SKIL: variants seen among roughly 807,000 people sequenced by gnomAD.
The protein encoded by SKIL is SKI like proto-oncogene.
In SKIL, 20 loss-of-function variants were observed where a neutral mutation model predicts 69.6. The observed-to-expected ratio is 0.29, with a 90% CI of 0.20 to 0.42. The LOEUF (loss-of-function observed/expected upper bound fraction) is 0.42, where lower values mean the gene tolerates loss of function less well. Ranked by LOEUF, SKIL falls within the 10% of genes least tolerant of loss-of-function variation. The pLI is 1.00. For synonymous variants in SKIL, 310 were observed against 279.9 expected, an observed-to-expected ratio of 1.11 and a Z score of -1.08; for missense variants, 745 against 783.1, an observed-to-expected ratio of 0.95 and a Z score of 0.58.
At position 170,359,852 on chromosome 3, in the gene SKIL, G is replaced by C. The variant is rs1736132921; in HGVS notation, c.-480G>C. 6.5e-6 allele frequency: 1 copy of C among 153,590 alleles called. No homozygotes were observed. Among genetic ancestry groups the C allele is most frequent in the African/African-American group, 2.4e-5 (1 of 41,424 alleles). 9.5% of individuals were successfully genotyped at this position (153,590 alleles called of 1,614,324 possible). On this transcript the variant is annotated 5_prime_UTR_variant, in exon 2 of 7. Transcript: ENST00000259119. ...CATTTTTAGAGGAAATACTCCCTCT[G>C]CCCTCCTTTTTGGTTTCCTTGGTGG...
At chr3:170,374,895 G>A (rs987870317) in intron 2 of SKIL, among the ~76,000 whole-genome samples, 4 of 152,188 alleles carry the variant, frequency 2.6e-5, no homozygotes, top group African/African-American at 9.7e-5. Context: ...GGTGCTTCAT[G>A]GAGTAGAGGG....
chr3:170,387,893 C>G (rs1202824413), intron 4 of SKIL, among the ~76,000 whole-genome samples: 2 of 124,484 alleles, frequency 1.6e-5, no homozygotes, highest in East Asian at 4.9e-4. Flanking sequence ...GAGATCCCGC[C>G]ACTGCACTCC....
intron 2 of SKIL, among the ~76,000 whole-genome samples, chr3:170,370,704 A>G (rs1203164690): frequency 6.6e-6 from 1 of 152,156 alleles, no homozygotes; most frequent in Non-Finnish European, 1.5e-5. Flanking sequence ...TGCATTTTTT[A>G]TGGGAACAAG....
At chr3:170,372,082 T>G (rs929466199) in intron 2 of SKIL, among the ~76,000 whole-genome samples, 1 of 152,202 alleles carries the variant, frequency 6.6e-6, no homozygotes, top group Non-Finnish European at 1.5e-5. Flanking sequence ...TGTATGACAC[T>G]GAGATTTCCA....
At position 170,392,309 on chromosome 3, in the gene SKIL, A is replaced by G. The variant is rs754457915; in HGVS notation, c.1947A>G (p.Glu649=). The G allele has an allele frequency of 3.1e-6, 5 of 1,613,548 alleles. 1 individual carries two copies. The South Asian group carries it at 4.4e-5, about 14-fold the overall frequency. The change falls in exon 7 of 7, where the codon GAA becomes GAG. Residue 649 remains glutamate (E), a synonymous_variant. Transcript: ENST00000259119. ...ACCATGCTGAGGCCGATAGGCAAGAACTCCAAGATGAACTCAGACAGGAAC... is the reference window on the plus strand; with the variant it reads ...ACCATGCTGAGGCCGATAGGCAAGAGCTCCAAGATGAACTCAGACAGGAAC... The part of the protein sequence containing the change: ...RLDHAEADRQ[E]LQDELRQERE...
At position 170,360,686 on chromosome 3, in the gene SKIL, A is replaced by G. The variant is rs1226061048; in HGVS notation, c.355A>G (p.Thr119Ala). The stretch of plus-strand genomic sequence containing the variant: ...GCATTCCCAAGAAAGCATGTCGCCT[A>G]CTGTATTTCTGCCTCTTCCATCACC... The part of the protein sequence containing the change: ...ARHSQESMSP[T>A]VFLPLPSPQV... Residue 119 changes from threonine to alanine, a missense_variant, in exon 2 of 7, where the codon ACT becomes GCT. Transcript: ENST00000259119. The G allele has an allele frequency of 3.7e-6, 6 of 1,614,186 alleles. No individual in the cohort carries two copies. The highest frequency in any genetic ancestry group is 5.1e-6 in the Non-Finnish European group (6 of 1,180,042).
Position 170,394,115 on chromosome 3 carries a change from A to ATTTTTTT in SKIL, c.*1723_*1729dup, listed in dbSNP as rs559327626. On this transcript the variant is annotated 3_prime_UTR_variant, in exon 7 of 7. Coordinates refer to ENST00000259119, the MANE Select transcript of SKIL (RefSeq NM_005414.5). The stretch of plus-strand genomic sequence containing the variant: ...ATATTAAAATGACATGTAGAAACAA[A>ATTTTTTT]TTTTTTTTTTTTTTTTTTTTTTTTT... The ATTTTTTT allele has an allele frequency of 5.9e-4, 44 of 74,364 alleles. 2 individuals are homozygous for ATTTTTTT. The highest frequency in any genetic ancestry group is 2.1e-3 in the African/African-American group (40 of 19,336). 4.6% of individuals were successfully genotyped at this position (74,364 alleles called of 1,614,324 possible).
intron 1 of SKIL, among the ~76,000 whole-genome samples, chr3:170,358,315 C>T (rs1425278426): frequency 1.3e-5 from 2 of 151,686 alleles, no homozygotes; most frequent in Admixed American, 6.6e-5. Context: ...TTCCCGCGGC[C>T]CCCGCGGGGG....
In SKIL at chr3:170,394,418, C is replaced by T. The variant is rs1327765981; in HGVS notation, c.*2001C>T. On this transcript the variant is annotated 3_prime_UTR_variant, in exon 7 of 7. Coordinates refer to ENST00000259119, the MANE Select transcript of SKIL (RefSeq NM_005414.5). ...ATTTTGAATTATTTGTGTCACAGCT[C>T]AGCTTTTTGGAAGACAAACTCAAAC... is the stretch of plus-strand genomic sequence containing the variant. 2.0e-5 allele frequency: 3 copies of T among 152,070 alleles called. No individual in the cohort carries two copies. In the East Asian group the frequency reaches 5.8e-4, roughly 29 times the overall value. 9.4% of individuals were successfully genotyped at this position (152,070 alleles called of 1,614,324 possible). A position where few individuals can be genotyped will look rare whatever the true frequency, so the allele number is the denominator to read the frequency against.
chr3:170,367,023 T>C (rs1736564041), intron 2 of SKIL, among the ~76,000 whole-genome samples: 1 of 152,362 alleles, frequency 6.6e-6, no homozygotes, highest in East Asian at 1.9e-4. Context: ...GTAAATAAAA[T>C]TTGAAGAGTA....
intron 2 of SKIL, among the ~76,000 whole-genome samples, chr3:170,373,262 G>T (rs2108904323): frequency 6.6e-6 from 1 of 152,184 alleles, no homozygotes; most frequent in Non-Finnish European, 1.5e-5. Flanking sequence ...CACCTCCTGG[G>T]TTCAAGCGAT....
rs764851508 is a variant in SKIL, at chr3:170,361,412, AAG to A, written c.1085_1086del (p.Arg362LysfsTer25). ...GGAGAAGTTTAGCATGAGAAGTGGA[AAG>A]AGAAATCAATCCAAGGCAAGTTTTT... is the stretch of plus-strand genomic sequence containing the variant. ...MKEKFSMRSG[K>X]RNQSKTDAPS... is the part of the protein sequence containing the mutation. On this transcript the variant is annotated frameshift_variant, in exon 2 of 7. Coordinates refer to ENST00000259119, the MANE Select transcript of SKIL (RefSeq NM_005414.5). LOFTEE classifies it high-confidence loss of function. 1 of 1,575,314 alleles carries A rather than the reference AAG, an allele frequency of 6.3e-7. No homozygotes were observed. The highest frequency in any genetic ancestry group is 8.6e-7 in the Non-Finnish European group (1 of 1,166,000).
At position 170,360,273 on chromosome 3, in the gene SKIL, A is replaced by G; in HGVS notation, c.-59A>G. 1 of 1,460,650 alleles carries G rather than the reference A, an allele frequency of 6.8e-7. No individual in the cohort carries two copies. The highest frequency in any genetic ancestry group is 9.2e-7 in the Non-Finnish European group (1 of 1,089,720). The allele number at this position is 1,460,650 out of a possible 1,614,324, so 90.5% of individuals were successfully genotyped here. ...CCATTCATTACTTTCCTCTTTTCAAATAAGCAACTAAATAGAAATGCTAAT... is the reference window on the plus strand; with the variant it reads ...CCATTCATTACTTTCCTCTTTTCAAGTAAGCAACTAAATAGAAATGCTAAT... On this transcript the variant is annotated 5_prime_UTR_variant, in exon 2 of 7. Coordinates refer to ENST00000259119, the MANE Select transcript of SKIL (RefSeq NM_005414.5).
rs910451758 is a variant in SKIL, at chr3:170,361,487, CTA to C, written c.1098+60_1098+61del. 65 of 1,315,048 alleles carry C rather than the reference CTA, an allele frequency of 4.9e-5. 2 individuals carry two copies. The Admixed American group carries it at 1.4e-3, about 29-fold the overall frequency. 81.5% of individuals were successfully genotyped at this position (1,315,048 alleles called of 1,614,324 possible). On this transcript the variant is annotated intron_variant, in intron 2 of 6. Coordinates refer to ENST00000259119, the MANE Select transcript of SKIL (RefSeq NM_005414.5). ...AATGGTTTACTTTGAAATGAAAATT[CTA>C]TGTTTAGTGTGTAACTTAACCTGTA...
chr3:170,379,320 T>C (rs1577431600), intron 2 of SKIL, among the ~76,000 whole-genome samples: 1 of 152,274 alleles, frequency 6.6e-6, no homozygotes, highest in East Asian at 1.9e-4. Flanking sequence ...TATCCAGCTC[T>C]CTTTTTTGTT....
Position 170,384,920 on chromosome 3 carries a change from T to C in SKIL, c.1429+155T>C, listed in dbSNP as rs73879198. The C allele has an allele frequency of 3.7e-3, 2,024 of 544,240 alleles. 28 individuals are homozygous for C. Among genetic ancestry groups the C allele is most frequent in the African/African-American group, 0.035 (1,852 of 52,980 alleles). 33.7% of individuals were successfully genotyped at this position (544,240 alleles called of 1,614,324 possible). A position where few individuals can be genotyped will look rare whatever the true frequency, so the allele number is the denominator to read the frequency against. On this transcript the variant is annotated intron_variant, in intron 4 of 6. Coordinates refer to ENST00000259119, the MANE Select transcript of SKIL (RefSeq NM_005414.5). The stretch of plus-strand genomic sequence containing the variant: ...CCTTCAAAACTCTGGGTGATTTATT[T>C]TAATCTCAGTTGCTATACTTTTCTA...
intron 5 of SKIL, 86 bp downstream of exon 5, chr3:170,390,550 A>G (rs994825239): frequency 2.0e-5 from 21 of 1,048,856 alleles, no homozygotes; most frequent in Non-Finnish European, 2.7e-5. Flanking sequence ...GCAGTGGCGC[A>G]GTCTCAGCTC....
rs1482693808 is a variant in SKIL, at chr3:170,396,128, TAGAA to T, written c.*3714_*3717del. 1 of 151,896 alleles carries T rather than the reference TAGAA, an allele frequency of 6.6e-6. No individual in the cohort carries two copies. The highest frequency in any genetic ancestry group is 1.5e-5 in the Non-Finnish European group (1 of 67,912). 9.4% of individuals were successfully genotyped at this position (151,896 alleles called of 1,614,324 possible). A position where few individuals can be genotyped will look rare whatever the true frequency, so the allele number is the denominator to read the frequency against. ...CTATGTAGTGCTACAATTTTTGAAT[TAGAA>T]AGTGATCAAATGTAAGAAAAAAATT... On this transcript the variant is annotated 3_prime_UTR_variant, in exon 7 of 7. Transcript: ENST00000259119.
chr3:170,380,895 A>G (rs1737309532), intron 2 of SKIL, among the ~76,000 whole-genome samples: 1 of 151,500 alleles, frequency 6.6e-6, no homozygotes, highest in Non-Finnish European at 1.5e-5. Flanking sequence ...TGGTTCAATC[A>G]TGGTTCACTG....
Sources: allele counts gnomAD v4.1 joint callset (sites outside exome capture counted in the v4.1 genomes callset), GRCh38; gene constraint gnomAD v4.1.1; transcripts MANE v1.5; gene names NCBI Gene and HGNC (gene_info 2026-07-23, HGNC 2026-07-21).